Variants in MEGF11 observed in about 807,000 individuals in gnomAD.
The protein encoded by MEGF11 is multiple epidermal growth factor-like domains protein 11.
A neutral mutation model predicts 146.6 loss-of-function variants in MEGF11; 126 were observed. The ratio of observed to expected loss-of-function variants is 0.86; its 90% CI spans 0.74 to 1.00. The LOEUF (loss-of-function observed/expected upper bound fraction) is 1.00. Ranked by LOEUF, MEGF11 falls within the 50% of genes least tolerant of loss-of-function variation. The pLI is 0.00. For synonymous variants in MEGF11, 532 were observed against 583.4 expected, an observed-to-expected ratio of 0.91 and a Z score of 1.27; for missense variants, 1,509 against 1,521.2, an observed-to-expected ratio of 0.99 and a Z score of 0.13.
intron 25 of MEGF11, 50 bp from the exon 26 acceptor site, chr15:65,898,144 G>A (rs911280572): frequency 6.4e-7 from 1 of 1,558,694 alleles, no homozygotes; most frequent in African/African-American, 1.4e-5. Context: ...AGCTTTGGTT[G>A]CCTTGTTGGA....
intron 5 of MEGF11, chr15:66,040,282 C>T (rs2083913400): frequency 6.5e-6 from 1 of 154,870 alleles, no homozygotes; most frequent in Non-Finnish European, 1.5e-5. Flanking sequence ...CTCAGGAGGG[C>T]TTCCTGGGTG....
At chr15:66,211,848 A>T (rs912476771) in intron 1 of MEGF11, among the ~76,000 whole-genome samples, 8 of 151,810 alleles carry the variant, frequency 5.3e-5, no homozygotes, top group Non-Finnish European at 8.8e-5. Context: ...TCCCTTCTCT[A>T]CATAACTACC....
intron 1 of MEGF11, among the ~76,000 whole-genome samples, chr15:66,219,887 G>A (rs1272501585): frequency 6.6e-6 from 1 of 152,160 alleles, no homozygotes; most frequent in African/African-American, 2.4e-5. Context: ...TAAACAAGCT[G>A]TGGTACATCC....
chr15:66,037,600 G>T (rs1362891711), intron 5 of MEGF11, among the ~76,000 whole-genome samples: 2 of 152,192 alleles, frequency 1.3e-5, no homozygotes, highest in Admixed American at 6.5e-5. Flanking sequence ...CCCATCATAG[G>T]GTGGGGTGAG....
intron 24 of MEGF11, 111 bp downstream of exon 24, chr15:65,905,974 G>A (rs538169597): frequency 2.4e-6 from 2 of 840,152 alleles, no homozygotes; most frequent in African/African-American, 1.7e-5. Context: ...AACCTTCTGT[G>A]GGGGGCAGGC....
At chr15:66,167,944 C>T (rs943465318) in intron 1 of MEGF11, among the ~76,000 whole-genome samples, 2 of 152,164 alleles carry the variant, frequency 1.3e-5, no homozygotes, top group African/African-American at 4.8e-5. Flanking sequence ...TGAACCCCTG[C>T]TGGGCAGGCA....
chr15:65,931,887 T>C (rs978325040), intron 10 of MEGF11, among the ~76,000 whole-genome samples: 7 of 152,254 alleles, frequency 4.6e-5, no homozygotes, highest in Non-Finnish European at 7.3e-5. Context: ...AGCATTATTC[T>C]CACCTAACAG....
intron 17 of MEGF11, 40 bp from the exon 18 acceptor site, chr15:65,916,316 G>C (rs1029249738): frequency 2.1e-5 from 33 of 1,538,354 alleles, no homozygotes; most frequent in Non-Finnish European, 2.8e-5. Context: ...GTTGCTGCTG[G>C]GTGGGGACAA....
chr15:66,050,630 C>A (rs1270826874), intron 5 of MEGF11, among the ~76,000 whole-genome samples: 1 of 152,210 alleles, frequency 6.6e-6, no homozygotes, highest in East Asian at 1.9e-4. Flanking sequence ...CCTGGCATGA[C>A]CTGACCAATG....
chr15:66,050,321 G>A (rs1435713512), intron 5 of MEGF11, among the ~76,000 whole-genome samples: 3 of 152,176 alleles, frequency 2.0e-5, no homozygotes, highest in African/African-American at 7.2e-5. Context: ...GCAATATGTA[G>A]GGAAAGGGGA....
chr15:66,011,969 G>A (rs1263274642), intron 5 of MEGF11, among the ~76,000 whole-genome samples: 1 of 152,064 alleles, frequency 6.6e-6, no homozygotes. Context: ...GGCTGGATGA[G>A]GTGGCTGTAA....
intron 9 of MEGF11, among the ~76,000 whole-genome samples, chr15:65,960,192 T>A (rs1283097089): frequency 6.6e-6 from 1 of 152,270 alleles, no homozygotes; most frequent in African/African-American, 2.4e-5. Context: ...GCTTTTGTGC[T>A]ATCTCTGGAT....
At chr15:66,206,424 C>A (rs970429082) in intron 1 of MEGF11, among the ~76,000 whole-genome samples, 2 of 152,104 alleles carry the variant, frequency 1.3e-5, no homozygotes, top group African/African-American at 4.8e-5. Flanking sequence ...GAGACACTCA[C>A]CTACAGATTC....
At chr15:66,167,789 G>A (rs2090140984) in intron 1 of MEGF11, among the ~76,000 whole-genome samples, 1 of 152,234 alleles carries the variant, frequency 6.6e-6, no homozygotes, top group African/African-American at 2.4e-5. Flanking sequence ...CTTCCAGGCA[G>A]GTCAAACTGC....
chr15:66,246,273 A>AT (rs149532168), intron 1 of MEGF11, among the ~76,000 whole-genome samples: 282 of 151,094 alleles, frequency 1.9e-3, no homozygotes, highest in Admixed American at 5.3e-3. Flanking sequence ...TAATTAATTA[A>AT]TTTTTTTTTT....
At chr15:65,994,838 A>AT (rs2141792302) in intron 5 of MEGF11, among the ~76,000 whole-genome samples, 1 of 152,254 alleles carries the variant, frequency 6.6e-6, no homozygotes, top group African/African-American at 2.4e-5. Context: ...GCCACCTTTC[A>AT]TTTTGGCAAA....
At chr15:65,962,561 G>A (rs1372809832) in intron 9 of MEGF11, among the ~76,000 whole-genome samples, 1 of 152,222 alleles carries the variant, frequency 6.6e-6, no homozygotes, top group Non-Finnish European at 1.5e-5. Context: ...AAAACTTTGT[G>A]CCAGGGGCTC....
chr15:65,898,582 G>A (rs2141125647), intron 25 of MEGF11, 146 bp downstream of exon 25: 1 of 1,449,540 alleles, frequency 6.9e-7, no homozygotes, highest in South Asian at 1.5e-5. Flanking sequence ...GTAGTCCTAG[G>A]AAAGACAGTT....
intron 5 of MEGF11, among the ~76,000 whole-genome samples, chr15:65,991,262 C>T (rs1198154145): frequency 6.6e-6 from 1 of 152,182 alleles, no homozygotes; most frequent in Non-Finnish European, 1.5e-5. Flanking sequence ...GAGAGCTTAC[C>T]AGGGACCAGC....
Sources: allele counts gnomAD v4.1 joint callset (sites outside exome capture counted in the v4.1 genomes callset), GRCh38; gene constraint gnomAD v4.1.1; transcripts MANE v1.5; gene names NCBI Gene and HGNC (gene_info 2026-07-23, HGNC 2026-07-21).